Variants in DDX1 observed in about 807,000 individuals in gnomAD.
DDX1 encodes ATP-dependent RNA helicase DDX1.
DDX1 carries 28 observed loss-of-function variants against 108.7 expected under a neutral mutation model. The observed-to-expected ratio is 0.26, with a 90% CI of 0.19 to 0.35. The LOEUF is 0.35. Among genes scored for constraint, DDX1 ranks in the 10% least tolerant of loss-of-function variants. The pLI is 1.00. For synonymous variants in DDX1, 295 were observed against 288.9 expected (o/e 1.02, Z -0.21); for missense variants, 710 against 884.5 (o/e 0.80, Z 2.50).
rs1356945005 is a variant in DDX1, at chr2:15,611,428, G to A, written c.957-1796G>A. ...ACCTCCCAGACGGGGTGGTGGCCGG[G>A]CAGAGGGGCTCCTCACCTCCCAGTA... On this transcript the variant is annotated intron_variant, in intron 13 of 25. Coordinates refer to ENST00000233084, the MANE Select transcript of DDX1 (RefSeq NM_004939.3). Among the ~76,000 whole-genome samples the A allele has an allele frequency of 3.9e-3, 578 of 149,008 alleles. 4 individuals are homozygous for A. The highest frequency in any genetic ancestry group is 0.014 in the African/African-American group (543 of 39,552).
chr2:15,619,715 A>G (rs1665961638), intron 16 of DDX1, among the ~76,000 whole-genome samples: 1 of 152,232 alleles, frequency 6.6e-6, no homozygotes, highest in East Asian at 1.9e-4. Flanking sequence ...TGAGGAAATT[A>G]CTTGGGTGTT....
intron 13 of DDX1, among the ~76,000 whole-genome samples, chr2:15,610,577 C>T (rs976549206): frequency 3.3e-5 from 5 of 152,194 alleles, no homozygotes; most frequent in African/African-American, 1.2e-4. Flanking sequence ...TCTTTCACTC[C>T]TTTCCCCAAT....
intron 11 of DDX1, 57 bp from the exon 12 acceptor site, chr2:15,606,093 A>G: frequency 1.3e-6 from 2 of 1,569,820 alleles, no homozygotes; most frequent in African/African-American, 1.4e-5. Flanking sequence ...ATTATTTTGT[A>G]TACGATGGTT....
At chr2:15,610,910 C>A (rs1665741187) in intron 13 of DDX1, among the ~76,000 whole-genome samples, 1 of 148,236 alleles carries the variant, frequency 6.7e-6, no homozygotes, top group African/African-American at 2.5e-5. Context: ...TTTTATTGAT[C>A]ATTCTTGGGT....
At chr2:15,625,147 AAC>A (rs1373713584) in intron 19 of DDX1, among the ~76,000 whole-genome samples, 2 of 152,178 alleles carry the variant, frequency 1.3e-5, no homozygotes, top group Non-Finnish European at 2.9e-5. Flanking sequence ...TTGCTGAGTA[AAC>A]ACAGCAATGA....
intron 4 of DDX1, among the ~76,000 whole-genome samples, chr2:15,597,079 G>A (rs1665513008): frequency 6.6e-6 from 1 of 152,186 alleles, no homozygotes; most frequent in African/African-American, 2.4e-5. Context: ...CTACTGGCCT[G>A]GACTAGAGAA....
chr2:15,625,706 T>G (rs1360388012), intron 19 of DDX1, among the ~76,000 whole-genome samples: 5 of 152,080 alleles, frequency 3.3e-5, no homozygotes. Flanking sequence ...ATATAAAAAG[T>G]AAAAATTGGC....
At chr2:15,593,176 C>T (rs979921565) in intron 1 of DDX1, among the ~76,000 whole-genome samples, 6 of 152,296 alleles carry the variant, frequency 3.9e-5, no homozygotes, top group Admixed American at 3.3e-4. Flanking sequence ...CTCACCTCGG[C>T]TTCCCAAAGT....
intron 13 of DDX1, 130 bp downstream of exon 13, chr2:15,607,443 A>G (rs1187291580): frequency 1.1e-5 from 7 of 653,272 alleles, no homozygotes; most frequent in Non-Finnish European, 1.7e-5. Context: ...GAGTATGTAA[A>G]TATACTTTAA....
chr2:15,607,291 T>C lies in DDX1; in HGVS notation c.934T>C (p.Tyr312His). ...GAACAACATCAAGCAGTTTAAGAAA[T>C]ACATTGATAATCCTAAATTAAGGTA... is the stretch of plus-strand genomic sequence containing the variant. ...TLNNIKQFKK[Y>H]IDNPKLRELL... Residue 312 changes from tyrosine to histidine, a missense_variant, in exon 13 of 26, where the codon TAC becomes CAC. Coordinates refer to ENST00000233084, the MANE Select transcript of DDX1 (RefSeq NM_004939.3). 3.7e-6 allele frequency: 6 copies of C among 1,613,218 alleles called. No homozygotes were observed. Among genetic ancestry groups the C allele is most frequent in the South Asian group, 3.3e-5 (3 of 90,958 alleles).
chr2:15,597,434 CA>C lies in DDX1; in HGVS notation c.228del (p.Gly77GlufsTer12). On this transcript the variant is annotated frameshift_variant, in exon 5 of 26. Coordinates refer to ENST00000233084, the MANE Select transcript of DDX1 (RefSeq NM_004939.3). LOFTEE classifies it high-confidence loss of function. ...AAACTCTGAAAGACCAACAGGAAGG[CA>C]AAAAAGGAAAAACAACAATTAAAAC... ...YETLKDQQEG[K>X]KGKTTIKTGA... 6.2e-7 allele frequency: 1 copy of C among 1,605,038 alleles called. No individual in the cohort carries two copies. Among genetic ancestry groups the C allele is most frequent in the Non-Finnish European group, 8.5e-7 (1 of 1,176,778 alleles).
chr2:15,594,172 A>G lies in DDX1; in HGVS notation c.17-973A>G, dbSNP rs192743258. ...TCATCTGATGCAAAGAAAAAGCTAC[A>G]TAATTTTATGAAGAATATTTTCAGT... On this transcript the variant is annotated intron_variant, in intron 1 of 25. Transcript: ENST00000233084. Among the ~76,000 whole-genome samples the G allele has an allele frequency of 6.8e-4, 104 of 152,332 alleles. 2 individuals carry two copies. In the East Asian group the frequency reaches 0.016, roughly 24 times the overall value.
chr2:15,602,477 T>TA, intron 6 of DDX1, 71 bp from the exon 7 acceptor site: 1 of 1,054,284 alleles, frequency 9.5e-7, no homozygotes, highest in Non-Finnish European at 1.5e-6. Flanking sequence ...TTTTTGGTGG[T>TA]AGGGGGTGGG....
intron 13 of DDX1, among the ~76,000 whole-genome samples, chr2:15,612,855 A>G (rs1218914141): frequency 6.6e-6 from 1 of 152,078 alleles, no homozygotes; most frequent in Admixed American, 6.5e-5. Context: ...AAAAATACGA[A>G]AACCAGTCAG....
At chr2:15,616,127 G>A (rs896326815) in intron 14 of DDX1, among the ~76,000 whole-genome samples, 4 of 151,958 alleles carry the variant, frequency 2.6e-5, no homozygotes, top group Non-Finnish European at 4.4e-5. Context: ...TGCCCAGGCT[G>A]GTCTTGAACT....
intron 10 of DDX1, among the ~76,000 whole-genome samples, chr2:15,605,572 G>T (rs1665648970): frequency 1.3e-5 from 2 of 152,118 alleles, no homozygotes; most frequent in Non-Finnish European, 2.9e-5. Context: ...AGAATGAGAT[G>T]AAAGAAAGTG....
chr2:15,596,123 G>A (rs961237987), intron 3 of DDX1, among the ~76,000 whole-genome samples: 13 of 152,172 alleles, frequency 8.5e-5, no homozygotes, highest in Non-Finnish European at 1.5e-4. Context: ...CCAGCCTCAA[G>A]CGATCCTCCT....
chr2:15,598,898 T>G (rs1665543004), intron 5 of DDX1, among the ~76,000 whole-genome samples: 1 of 151,988 alleles, frequency 6.6e-6, no homozygotes, highest in Non-Finnish European at 1.5e-5. Flanking sequence ...AATGTGTGAC[T>G]TTTGAATGTG....
intron 19 of DDX1, among the ~76,000 whole-genome samples, chr2:15,625,574 T>TA (rs1182660452): frequency 9.9e-5 from 15 of 152,154 alleles, no homozygotes; most frequent in Non-Finnish European, 2.9e-5. Context: ...TATAGGTAGA[T>TA]ATGTGGTTAA....
Sources: allele counts gnomAD v4.1 joint callset (sites outside exome capture counted in the v4.1 genomes callset), GRCh38; gene constraint gnomAD v4.1.1; transcripts MANE v1.5; gene names NCBI Gene and HGNC (gene_info 2026-07-23, HGNC 2026-07-21).